KAZN: variants seen among roughly 807,000 people sequenced by gnomAD.
KAZN encodes kazrin.
In KAZN, 40 loss-of-function variants were observed where a neutral mutation model predicts 87.4. The observed-to-expected ratio is 0.46, with a 90% CI of 0.36 to 0.60. KAZN has a LOEUF of 0.60. Ranked by LOEUF, KAZN falls within the 20% of genes least tolerant of loss-of-function variation. The pLI is 0.00. For synonymous variants in KAZN, 466 were observed against 458.3 expected, an observed-to-expected ratio of 1.02 and a Z score of -0.22; for missense variants, 898 against 1,073.9, an observed-to-expected ratio of 0.84 and a Z score of 2.29.
chr1:14,663,115 C>T (rs866757012), intron 1 of KAZN, among the ~76,000 whole-genome samples: 4 of 151,814 alleles, frequency 2.6e-5, no homozygotes, highest in African/African-American at 4.8e-5. Context: ...GAACAGCAGG[C>T]GTGCATCACC....
chr1:14,053,890 T>C (rs1360670839), intron 1 of KAZN, among the ~76,000 whole-genome samples: 1 of 152,148 alleles, frequency 6.6e-6, no homozygotes, highest in African/African-American at 2.4e-5. Context: ...TATATGTATA[T>C]ATTGTGCCTT....
chr1:15,089,908 GA>G (rs1640455132), intron 8 of KAZN, among the ~76,000 whole-genome samples: 1 of 152,160 alleles, frequency 6.6e-6, no homozygotes, highest in South Asian at 2.1e-4. Context: ...CAGTCCTGAA[GA>G]AGGAATTTCT....
chr1:14,600,694 A>G (rs1479601380), intron 1 of KAZN, among the ~76,000 whole-genome samples: 1 of 150,866 alleles, frequency 6.6e-6, no homozygotes, highest in Non-Finnish European at 1.5e-5. Context: ...AAAAAGACAG[A>G]CTGCAAGGTA....
intron 1 of KAZN, among the ~76,000 whole-genome samples, chr1:14,888,475 T>C (rs1167217847): frequency 6.6e-6 from 1 of 152,172 alleles, no homozygotes; most frequent in Non-Finnish European, 1.5e-5. Context: ...TTCCAGCTGC[T>C]AAAGAATGAA....
chr1:14,712,535 C>A (rs1642541398), intron 1 of KAZN, among the ~76,000 whole-genome samples: 2 of 152,284 alleles, frequency 1.3e-5, no homozygotes, highest in South Asian at 4.1e-4. Flanking sequence ...GAAAACCAGG[C>A]CCTGGGAAAT....
intron 1 of KAZN, among the ~76,000 whole-genome samples, chr1:14,810,981 G>A (rs751381740): frequency 3.9e-5 from 6 of 152,206 alleles, no homozygotes; most frequent in Non-Finnish European, 7.3e-5. Flanking sequence ...CGTCTTTTCA[G>A]ATTTGGAGAT....
intron 2 of KAZN, among the ~76,000 whole-genome samples, chr1:14,389,085 T>C (rs942030915): frequency 2.6e-5 from 4 of 152,094 alleles, no homozygotes; most frequent in African/African-American, 9.7e-5. Flanking sequence ...AAATGGCAAG[T>C]AGGTATATGA....
intron 1 of KAZN, among the ~76,000 whole-genome samples, chr1:14,667,693 C>T (rs1639649258): frequency 1.3e-5 from 2 of 152,060 alleles, no homozygotes; most frequent in Non-Finnish European, 2.9e-5. Flanking sequence ...AACAATGATA[C>T]CTCCTGTGTG....
intron 1 of KAZN, among the ~76,000 whole-genome samples, chr1:14,652,817 T>A (rs1374394072): frequency 6.6e-6 from 1 of 151,966 alleles, no homozygotes; most frequent in Admixed American, 6.6e-5. Flanking sequence ...ACCAGTTTAA[T>A]GATTTTCAAG....
chr1:14,139,164 G>A (rs146295975), intron 1 of KAZN, among the ~76,000 whole-genome samples: 32 of 152,192 alleles, frequency 2.1e-4, no homozygotes, highest in African/African-American at 5.8e-4. Flanking sequence ...GTTGTCCCAC[G>A]CTAATTTCTC....
At chr1:13,893,877 G>T (rs1638931638) in intron 1 of KAZN, 2 of 1,195,296 alleles carry the variant, frequency 1.7e-6, no homozygotes, top group Non-Finnish European at 2.3e-6. Flanking sequence ...TCTCTTTCTT[G>T]ATATAATGTG....
chr1:14,354,789 C>G (rs148164210), intron 2 of KAZN, among the ~76,000 whole-genome samples: 23 of 152,120 alleles, frequency 1.5e-4, no homozygotes, highest in Admixed American at 1.1e-3. Context: ...GTTTTGAAAA[C>G]TAGCATGTTC....
At chr1:13,899,918 C>CTATCTTGG (rs2100835129) in intron 1 of KAZN, among the ~76,000 whole-genome samples, 1 of 152,128 alleles carries the variant, frequency 6.6e-6, no homozygotes, top group South Asian at 2.1e-4. Context: ...TGTGCCCGGC[C>CTATCTTGG]TATCTTGGTT....
intron 1 of KAZN, among the ~76,000 whole-genome samples, chr1:14,057,515 C>A (rs1391481314): frequency 6.6e-6 from 1 of 152,198 alleles, no homozygotes; most frequent in Non-Finnish European, 1.5e-5. Flanking sequence ...CATGGCCTCA[C>A]TTCATATGTG....
intron 8 of KAZN, among the ~76,000 whole-genome samples, chr1:15,070,366 T>G (rs1639451998): frequency 6.6e-6 from 1 of 152,202 alleles, no homozygotes; most frequent in Non-Finnish European, 1.5e-5. Context: ...AGAAACCGGC[T>G]GCTGTCCAGC....
chr1:15,072,137 T>A (rs1459734062), intron 8 of KAZN, among the ~76,000 whole-genome samples: 2 of 152,168 alleles, frequency 1.3e-5, no homozygotes, highest in African/African-American at 4.8e-5. Context: ...AGTGTACTCA[T>A]CTGTAAAATG....
intron 1 of KAZN, among the ~76,000 whole-genome samples, chr1:14,804,948 C>T (rs1010395323): frequency 6.6e-6 from 1 of 152,150 alleles, no homozygotes; most frequent in Non-Finnish European, 1.5e-5. Context: ...CTGCCATGTT[C>T]ATTTTGTTGA....
At chr1:14,146,049 C>T (rs1645342109) in intron 1 of KAZN, among the ~76,000 whole-genome samples, 1 of 152,082 alleles carries the variant, frequency 6.6e-6, no homozygotes, top group South Asian at 2.1e-4. Context: ...AGACCTTGTT[C>T]TGAGGATCTC....
chr1:15,037,225 CTTT>C (rs1266422543), intron 3 of KAZN, among the ~76,000 whole-genome samples: 1 of 152,232 alleles, frequency 6.6e-6, no homozygotes, highest in Admixed American at 6.5e-5. Context: ...CTGGTTACCT[CTTT>C]TTTATTGGGG....
Sources: gnomAD v4.1 joint callset for allele counts (sites outside exome capture counted in the v4.1 genomes callset) on GRCh38, gnomAD v4.1.1 for gene constraint, MANE v1.5 for transcripts, NCBI Gene and HGNC (gene_info 2026-07-23, HGNC 2026-07-21) for gene names.